The following MSRB3 variants were observed in gnomAD, a reference collection of about 807,000 sequenced individuals.
MSRB3 encodes the protein methionine-R-sulfoxide reductase B3.
In MSRB3, 13 loss-of-function variants were observed where a neutral mutation model predicts 21.0. The ratio of observed to expected loss-of-function variants is 0.62; its 90% confidence interval spans 0.40 to 0.98. The LOEUF is 0.98. Ranked by LOEUF, MSRB3 falls within the 50% of genes least tolerant of loss-of-function variation. The pLI, the probability that MSRB3 is intolerant of heterozygous loss-of-function variation, is 0.00. For missense variants in MSRB3, 199 were observed against 230.3 expected (o/e 0.86, Z 0.88); for synonymous variants, 87 against 88.6 (o/e 0.98, Z 0.10).
intron 5 of MSRB3, among the ~76,000 whole-genome samples, chr12:65,449,534 T>G (rs1882768926): frequency 6.6e-6 from 1 of 152,164 alleles, no homozygotes; most frequent in African/African-American, 2.4e-5. Flanking sequence ...TACCTCCAGC[T>G]TGTCTCACCA....
At chr12:65,341,391 G>A (rs1241806753) in intron 4 of MSRB3, among the ~76,000 whole-genome samples, 1 of 151,862 alleles carries the variant, frequency 6.6e-6, no homozygotes, top group Non-Finnish European at 1.5e-5. Context: ...GAGAGTAGAA[G>A]GATGGTTACC....
chr12:65,344,835 A>C (rs1461393428), intron 4 of MSRB3, among the ~76,000 whole-genome samples: 1 of 152,092 alleles, frequency 6.6e-6, no homozygotes, highest in Non-Finnish European at 1.5e-5. Context: ...GTCAGGGTCT[A>C]CTTCAGTAAT....
intron 1 of MSRB3, among the ~76,000 whole-genome samples, chr12:65,298,559 A>G (rs1247792717): frequency 1.3e-5 from 2 of 152,308 alleles, no homozygotes; most frequent in Admixed American, 1.3e-4. Flanking sequence ...TAAGCCCAAC[A>G]TGATGTCAAA....
At chr12:65,417,159 T>G (rs186763473) in intron 5 of MSRB3, among the ~76,000 whole-genome samples, 1 of 152,316 alleles carries the variant, frequency 6.6e-6, no homozygotes, top group Non-Finnish European at 1.5e-5. Flanking sequence ...ATTTTTATTA[T>G]GAATTGTAAT....
intron 6 of MSRB3, among the ~76,000 whole-genome samples, chr12:65,459,281 T>C (rs928844265): frequency 3.3e-5 from 5 of 152,172 alleles, no homozygotes; most frequent in African/African-American, 7.2e-5. Context: ...TATGCACCAA[T>C]AGAAAGTATT....
chr12:65,423,940 T>C (rs1881450821), intron 5 of MSRB3, among the ~76,000 whole-genome samples: 1 of 152,160 alleles, frequency 6.6e-6, no homozygotes, highest in African/African-American at 2.4e-5. Context: ...GTTGGTAGAA[T>C]TCAGTAGTGA....
intron 5 of MSRB3, among the ~76,000 whole-genome samples, chr12:65,420,460 T>A (rs7297223): frequency 0.029 from 4,339 of 152,170 alleles, 110 homozygotes; most frequent in African/African-American, 0.059. Flanking sequence ...AATCTTTATT[T>A]TTTTAAATTT....
intron 4 of MSRB3, among the ~76,000 whole-genome samples, chr12:65,358,791 A>G (rs1355485551): frequency 1.3e-5 from 2 of 151,960 alleles, no homozygotes; most frequent in East Asian, 3.9e-4. Context: ...CATTTAAATT[A>G]TATTGCAACC....
chr12:65,407,852 A>G (rs145607953), intron 5 of MSRB3, among the ~76,000 whole-genome samples: 1 of 150,258 alleles, frequency 6.7e-6, no homozygotes, highest in Non-Finnish European at 1.5e-5. Context: ...CATAAAAAGG[A>G]CTCTTCATTT....
chr12:65,376,362 G>T (rs945398543), intron 5 of MSRB3, among the ~76,000 whole-genome samples: 1 of 151,992 alleles, frequency 6.6e-6, no homozygotes, highest in Non-Finnish European at 1.5e-5. Context: ...CTCGTGATCC[G>T]CCCGCCTCGG....
At chr12:65,349,422 C>T (rs1384728191) in intron 4 of MSRB3, among the ~76,000 whole-genome samples, 1 of 151,618 alleles carries the variant, frequency 6.6e-6, no homozygotes. Context: ...GGGTATATAC[C>T]CAGTAATGGG....
At chr12:65,402,199 AG>A (rs1880167249) in intron 5 of MSRB3, among the ~76,000 whole-genome samples, 5 of 152,162 alleles carry the variant, frequency 3.3e-5, no homozygotes, top group African/African-American at 1.2e-4. Flanking sequence ...ATTTTCCTGA[AG>A]AGTGTTTTCC....
chr12:65,376,691 G>T (rs964937280), intron 5 of MSRB3, among the ~76,000 whole-genome samples: 1 of 151,860 alleles, frequency 6.6e-6, no homozygotes, highest in South Asian at 2.1e-4. Context: ...GGGGTGGGGG[G>T]ATAGGGGAGG....
At chr12:65,397,536 G>A (rs1310299485) in intron 5 of MSRB3, among the ~76,000 whole-genome samples, 2 of 151,900 alleles carry the variant, frequency 1.3e-5, no homozygotes, top group African/African-American at 4.8e-5. Context: ...TGAGCATTTT[G>A]TATGATTCCA....
chr12:65,279,629 C>T (rs1027657754), intron 1 of MSRB3: 4 of 152,188 alleles, frequency 2.6e-5, no homozygotes, highest in African/African-American at 9.7e-5. Flanking sequence ...CTGTTCCTGC[C>T]TTATTTGGTT....
chr12:65,426,873 C>G (rs1182110211), intron 5 of MSRB3, among the ~76,000 whole-genome samples: 1 of 151,990 alleles, frequency 6.6e-6, no homozygotes, highest in African/African-American at 2.4e-5. Context: ...TTTTGGCTCC[C>G]TAATTTCTTT....
chr12:65,338,737 G>A (rs774327170), intron 4 of MSRB3, among the ~76,000 whole-genome samples: 1 of 152,168 alleles, frequency 6.6e-6, no homozygotes, highest in Non-Finnish European at 1.5e-5. Flanking sequence ...AAATGTCCAC[G>A]TTTTTCCTCC....
intron 5 of MSRB3, among the ~76,000 whole-genome samples, chr12:65,402,658 G>A (rs1208703782): frequency 6.6e-6 from 1 of 152,078 alleles, no homozygotes; most frequent in African/African-American, 2.4e-5. Context: ...TTTCTTGCTG[G>A]CAAAAAGTTG....
chr12:65,302,190 G>C (rs762004533), intron 1 of MSRB3, among the ~76,000 whole-genome samples: 21 of 152,176 alleles, frequency 1.4e-4, no homozygotes, highest in Admixed American at 7.2e-4. Context: ...GGTATTTGGA[G>C]CCCTTGATAA....
Sources: gnomAD v4.1 joint callset for allele counts (sites outside exome capture counted in the v4.1 genomes callset) on GRCh38, gnomAD v4.1.1 for gene constraint, MANE v1.5 for transcripts, NCBI Gene and HGNC (gene_info 2026-07-23, HGNC 2026-07-21) for gene names.